OR2L13: variants seen among roughly 807,000 people sequenced by gnomAD.
OR2L13 encodes the protein olfactory receptor family 2 subfamily L member 13, also known as olfactory receptor 2L13.
Under a neutral mutation model 15.3 loss-of-function variants are expected in OR2L13, and 14 were observed. The ratio of observed to expected loss-of-function variants is 0.91; its 90% CI spans 0.60 to 1.43. The LOEUF (loss-of-function observed/expected upper bound fraction) is 1.43, where lower values mean the gene tolerates loss of function less well. OR2L13 is among the 40% of genes most tolerant of loss of function. OR2L13 has a pLI of 0.00. For missense variants in OR2L13, 367 were observed against 387.9 expected, an observed-to-expected ratio of 0.95 and a Z score of 0.45; for synonymous variants, 152 against 142.9, an observed-to-expected ratio of 1.06 and a Z score of -0.45.
chr1:247,969,002 A>T, the OR2L13 span, among the ~76,000 whole-genome samples: 2 of 152,090 alleles, frequency 1.3e-5, no homozygotes, highest in African/African-American at 4.8e-5. Flanking sequence ...CCTCTCCAAC[A>T]TCTGTTGTTT....
the OR2L13 span, among the ~76,000 whole-genome samples, chr1:248,017,746 A>G: frequency 9.9e-5 from 15 of 152,086 alleles, no homozygotes; most frequent in South Asian, 2.1e-4. Flanking sequence ...GTAAATTGAG[A>G]CAGTCTCCTA....
the OR2L13 span, chr1:248,022,681 C>G: frequency 1.9e-6 from 3 of 1,614,152 alleles, no homozygotes; most frequent in South Asian, 3.3e-5. Context: ...ACCCACCTCA[C>G]TGTAGTAACT....
chr1:248,085,436 T>TAA, the OR2L13 span, among the ~76,000 whole-genome samples: 85 of 84,432 alleles, frequency 1.0e-3, 2 homozygotes, highest in Middle Eastern at 7.1e-3. Flanking sequence ...TAAAATAAAA[T>TAA]AATAAAATAA....
At chr1:247,990,377 T>C in the OR2L13 span, 1 of 1,575,266 alleles carries the variant, frequency 6.3e-7, no homozygotes, top group Non-Finnish European at 8.7e-7. Flanking sequence ...TCCTAATGGC[T>C]CTAATTGGAA....
intron 2 of OR2L13, 74 bp from the exon 3 acceptor site, chr1:248,099,283 GT>G: frequency 1.2e-6 from 1 of 841,392 alleles, no homozygotes; most frequent in Non-Finnish European, 1.9e-6. Context: ...GATAAAGTCA[GT>G]TCCTTTTTGT....
At chr1:247,976,550 T>C in the OR2L13 span, among the ~76,000 whole-genome samples, 1 of 152,182 alleles carries the variant, frequency 6.6e-6, no homozygotes, top group Admixed American at 6.5e-5. Flanking sequence ...ATAATTTGAG[T>C]GTAGTAATCA....
At chr1:247,995,491 T>A in the OR2L13 span, among the ~76,000 whole-genome samples, 13 of 152,340 alleles carry the variant, frequency 8.5e-5, no homozygotes, top group African/African-American at 2.9e-4. Flanking sequence ...ACATAATAAT[T>A]AGAGTCAGCC....
At chr1:248,000,123 G>GGTGTGTGTGTGTGTGTGTGTGT in the OR2L13 span, among the ~76,000 whole-genome samples, 210 of 138,286 alleles carry the variant, frequency 1.5e-3, no homozygotes, top group Middle Eastern at 3.6e-3. Context: ...TTTTTTTTTT[G>GGTGTGTGTGTGTGTGTGTGTGT]GTGTGTGTGT....
the OR2L13 span, chr1:248,040,482 G>A: frequency 6.6e-6 from 1 of 152,250 alleles, no homozygotes; most frequent in Non-Finnish European, 1.5e-5. Flanking sequence ...CACCACTCCT[G>A]AGACAACAAG....
At chr1:248,035,140 C>T in the OR2L13 span, among the ~76,000 whole-genome samples, 2 of 151,120 alleles carry the variant, frequency 1.3e-5, no homozygotes, top group African/African-American at 4.9e-5. Context: ...TGTCTTTCTC[C>T]AAATCTTAGA....
the OR2L13 span, among the ~76,000 whole-genome samples, chr1:247,975,867 A>T: frequency 6.6e-6 from 1 of 152,152 alleles, no homozygotes. Flanking sequence ...CAAAATATAG[A>T]TCATTTATTT....
chr1:248,033,373 A>G, the OR2L13 span, among the ~76,000 whole-genome samples: 1 of 152,120 alleles, frequency 6.6e-6, no homozygotes, highest in East Asian at 1.9e-4. Context: ...TTGCTTGCCA[A>G]AAAAATATTG....
chr1:247,952,888 C>G, the OR2L13 span, among the ~76,000 whole-genome samples: 1 of 152,130 alleles, frequency 6.6e-6, no homozygotes, highest in African/African-American at 2.4e-5. Context: ...AGTTAGTTTA[C>G]TGAAAAACAA....
the OR2L13 span, among the ~76,000 whole-genome samples, chr1:247,940,908 CT>C: frequency 8.5e-5 from 13 of 152,096 alleles, no homozygotes; most frequent in African/African-American, 3.1e-4. Flanking sequence ...TCATCAACAT[CT>C]GTGCTTTTTT....
At chr1:248,011,585 C>G in the OR2L13 span, among the ~76,000 whole-genome samples, 2 of 152,104 alleles carry the variant, frequency 1.3e-5, no homozygotes, top group African/African-American at 4.8e-5. Context: ...TTCAGGTATA[C>G]CAATCAAATG....
chr1:248,001,288 G>C, the OR2L13 span, among the ~76,000 whole-genome samples: 1 of 152,000 alleles, frequency 6.6e-6, no homozygotes, highest in Non-Finnish European at 1.5e-5. Context: ...TATGTGGAGA[G>C]AGTCTGTGAA....
At chr1:248,029,847 T>C in the OR2L13 span, among the ~76,000 whole-genome samples, 1 of 152,232 alleles carries the variant, frequency 6.6e-6, no homozygotes, top group African/African-American at 2.4e-5. Flanking sequence ...TGTTTGTTTC[T>C]TCCTCCATTG....
the OR2L13 span, among the ~76,000 whole-genome samples, chr1:247,946,202 A>G: frequency 6.6e-6 from 1 of 152,278 alleles, no homozygotes; most frequent in Non-Finnish European, 1.5e-5. Flanking sequence ...TTGATGTTAC[A>G]TCCTATAATT....
At chr1:248,045,495 G>A in the OR2L13 span, among the ~76,000 whole-genome samples, 1 of 152,144 alleles carries the variant, frequency 6.6e-6, no homozygotes, top group Admixed American at 6.5e-5. Flanking sequence ...CTTGAAGTCT[G>A]TCTTACCGCA....
Sources: allele counts gnomAD v4.1 joint callset (sites outside exome capture counted in the v4.1 genomes callset), GRCh38; gene constraint gnomAD v4.1.1; transcripts MANE v1.5; gene names NCBI Gene and HGNC (gene_info 2026-07-23, HGNC 2026-07-21).